The following ANK2 variants were observed in gnomAD, a reference collection of about 807,000 sequenced individuals.
ANK2 encodes ankyrin-2.
A neutral mutation model predicts 360.5 loss-of-function variants in ANK2; 83 were observed. The ratio of observed to expected loss-of-function variants is 0.23; its 90% CI spans 0.19 to 0.28. ANK2 has a LOEUF of 0.28. ANK2 is among the 10% of genes least tolerant of loss of function. The pLI, the probability that ANK2 is intolerant of heterozygous loss-of-function variation, is 1.00. For missense variants in ANK2, 4,201 were observed against 4,795.7 expected (o/e 0.88, Z 3.66); for synonymous variants, 1,740 against 1,759.5 (o/e 0.99, Z 0.28).
intron 37 of ANK2, among the ~76,000 whole-genome samples, chr4:113,351,245 G>C (rs937556562): frequency 6.6e-6 from 1 of 152,010 alleles, no homozygotes; most frequent in Admixed American, 6.6e-5. Context: ...CCCAAAATGA[G>C]AAAACTTAGA....
chr4:112,814,127 G>C (rs2055481127), upstream of ANK2, among the ~76,000 whole-genome samples: 1 of 152,222 alleles, frequency 6.6e-6, no homozygotes. Context: ...AAGGGAGCTT[G>C]GGAGCTGTAG....
At chr4:113,313,608 A>G (rs527656809) in intron 24 of ANK2, 4 of 152,648 alleles carry the variant, frequency 2.6e-5, no homozygotes, top group Admixed American at 2.0e-4. Context: ...TGCTTAGGCA[A>G]TTCAATATAA....
chr4:113,008,840 TC>T (rs2053784043), intron 2 of ANK2, among the ~76,000 whole-genome samples: 2 of 152,164 alleles, frequency 1.3e-5, no homozygotes, highest in Admixed American at 1.3e-4. Context: ...ATAGGAGCAG[TC>T]CAGTCCAGCT....
At chr4:113,056,016 G>A (rs1362049617) in intron 1 of ANK2, among the ~76,000 whole-genome samples, 2 of 152,116 alleles carry the variant, frequency 1.3e-5, no homozygotes, top group African/African-American at 4.8e-5. Context: ...ACTCTCCCAA[G>A]CAGCATTCCC....
rs541517232 is a variant in ANK2 at position 113,027,177 on chromosome 4, G to A, written c.21+122663G>A. ...TTTGACTTGCTTATCTTGCATATGC[G>A]AACCCCTCTATGGTGTGTGAATAAA... On this transcript the variant is annotated intron_variant, in intron 2 of 30. Coordinates refer to the ANK2 transcript ENST00000503271. Among the ~76,000 whole-genome samples the A allele has an allele frequency of 3.3e-5, 5 of 152,232 alleles. No homozygotes were observed. In the East Asian group the frequency reaches 5.8e-4, roughly 18 times the overall value.
intron 1 of ANK2, among the ~76,000 whole-genome samples, chr4:112,894,928 G>A (rs1460661145): frequency 6.6e-6 from 1 of 152,136 alleles, no homozygotes; most frequent in Non-Finnish European, 1.5e-5. Context: ...CACAGTCTTT[G>A]ACTATAACTA....
intron 2 of ANK2, among the ~76,000 whole-genome samples, chr4:113,182,451 A>C (rs1287571735): frequency 6.6e-6 from 1 of 152,192 alleles, no homozygotes; most frequent in South Asian, 2.1e-4. Context: ...TGAGGTCACC[A>C]AAAGAGAGAG....
intron 24 of ANK2, among the ~76,000 whole-genome samples, chr4:113,315,612 A>T (rs1348127554): frequency 1.3e-5 from 2 of 152,176 alleles, no homozygotes; most frequent in Non-Finnish European, 1.5e-5. Flanking sequence ...AGAGTTGCTG[A>T]TCTAGCCCGG....
intron 1 of ANK2, among the ~76,000 whole-genome samples, chr4:113,123,376 G>A (rs1413132829): frequency 6.6e-6 from 1 of 152,042 alleles, no homozygotes; most frequent in Non-Finnish European, 1.5e-5. Flanking sequence ...GTACAAGCAA[G>A]TTAAGACTTC....
At chr4:112,962,221 G>T (rs1332980498) in intron 2 of ANK2, among the ~76,000 whole-genome samples, 6 of 152,030 alleles carry the variant, frequency 3.9e-5, no homozygotes, top group African/African-American at 9.7e-5. Flanking sequence ...GTAGTCTGCA[G>T]TGTCTATTGT....
At chr4:112,712,470 T>G in the ANK2 span, among the ~76,000 whole-genome samples, 1,301 of 143,344 alleles carry the variant, frequency 9.1e-3, 23 homozygotes, top group African/African-American at 0.031. Context: ...TGCAGTGGCG[T>G]GATCTCGGTT....
chr4:112,938,041 A>G (rs1242978920), intron 2 of ANK2, among the ~76,000 whole-genome samples: 2 of 152,254 alleles, frequency 1.3e-5, no homozygotes, highest in Non-Finnish European at 2.9e-5. Flanking sequence ...TAAAAAAATA[A>G]GTTGAAAAAT....
the ANK2 span, among the ~76,000 whole-genome samples, chr4:112,739,500 G>C: frequency 6.6e-6 from 1 of 152,154 alleles, no homozygotes; most frequent in Non-Finnish European, 1.5e-5. Context: ...TGTAATCCCA[G>C]CTACTTGGGA....
chr4:113,311,808 A>G (rs1446223717), intron 24 of ANK2, among the ~76,000 whole-genome samples: 1 of 152,194 alleles, frequency 6.6e-6, no homozygotes, highest in Non-Finnish European at 1.5e-5. Context: ...TAGTAACATA[A>G]TTTCTGTGAA....
In ANK2 at chr4:113,356,050, A is replaced by G; in HGVS notation, c.7432A>G (p.Met2478Val). ...SLESSPVEPK[M>V]KAGIFPSHFP... ...GGAAAGCAGCCCTGTTGAACCAAAG[A>G]TGAAGGCTGGAATTTTTCCAAGTCA... Residue 2478 changes from methionine (M) to valine (V), a missense_variant, in exon 38 of 46, where the codon ATG becomes GTG. Around this residue, in one of 4 missense-constraint regions of ANK2, gnomAD observed 2,642 missense variants for 2,714.5 expected, o/e 0.97. Transcript: ENST00000357077. The G allele has an allele frequency of 1.2e-6, 2 of 1,614,090 alleles. No homozygotes were observed. Among genetic ancestry groups the G allele is most frequent in the Non-Finnish European group, 1.7e-6 (2 of 1,179,972 alleles).
the ANK2 span, among the ~76,000 whole-genome samples, chr4:112,717,123 T>C: frequency 2.0e-5 from 3 of 152,246 alleles, no homozygotes; most frequent in Admixed American, 2.0e-4. Flanking sequence ...AGTTTTCCTT[T>C]ATAATGAATG....
intron 38 of ANK2, among the ~76,000 whole-genome samples, chr4:113,359,898 G>A (rs1237967536): frequency 6.6e-6 from 1 of 152,112 alleles, no homozygotes; most frequent in East Asian, 1.9e-4. Flanking sequence ...CATTTATGTG[G>A]TAGATGAATG....
At chr4:112,992,141 A>G (rs116604892) in intron 2 of ANK2, among the ~76,000 whole-genome samples, 2,272 of 148,826 alleles carry the variant, frequency 0.015, 61 homozygotes, top group African/African-American at 0.052. Context: ...TTCCAAATCT[A>G]CTTCTACTTT....
intron 1 of ANK2, among the ~76,000 whole-genome samples, chr4:113,076,830 C>T (rs2080231850): frequency 6.6e-6 from 1 of 151,172 alleles, no homozygotes; most frequent in Non-Finnish European, 1.5e-5. Context: ...AAAAATAAGA[C>T]AGCTGTATTA....
Sources: gnomAD v4.1 joint callset for allele counts (sites outside exome capture counted in the v4.1 genomes callset) on GRCh38, gnomAD v4.1.1 for gene constraint, gnomAD v4.1.1 regional missense constraint, MANE v1.5 for transcripts, NCBI Gene and HGNC (gene_info 2026-07-23, HGNC 2026-07-21) for gene names.